Variants in DNAH17 observed in about 807,000 individuals in gnomAD.
The protein encoded by DNAH17 is dynein axonemal heavy chain 17, also known as axonemal beta dynein heavy chain 17.
DNAH17 carries 376 observed loss-of-function variants against 485.6 expected under a neutral mutation model. That is an observed-to-expected ratio of 0.77 (90% CI 0.71 to 0.84). The LOEUF (loss-of-function observed/expected upper bound fraction) is 0.84. Ranked by LOEUF, DNAH17 falls within the 40% of genes least tolerant of loss-of-function variation. The probability of loss-of-function intolerance (pLI) is 0.00; values close to 1 mark genes in which losing one functional copy is unlikely to be tolerated. For synonymous variants in DNAH17, 3,031 were observed against 2,405.9 expected (o/e 1.26, Z -7.60); for missense variants, 6,370 against 5,839.3 (o/e 1.09, Z -2.96).
intron 17 of DNAH17, 32 bp downstream of exon 17, chr17:78,543,825 G>T: frequency 1.2e-6 from 2 of 1,613,868 alleles, no homozygotes; most frequent in Non-Finnish European, 1.7e-6. Context: ...AAGCAAGTGG[G>T]TTCTCAAAAA....
chr17:78,466,896 G>A (rs1402637435), intron 55 of DNAH17, 80 bp from the exon 56 acceptor site: 1 of 1,405,626 alleles, frequency 7.1e-7, no homozygotes, highest in African/African-American at 1.5e-5. Context: ...AGAAAGCTCT[G>A]CCAGAAAGCA....
rs1465789309 is a variant in DNAH17, at chr17:78,454,586, G to A, written c.10290C>T (p.Thr3430=). The change falls in exon 64 of 81, where the codon ACC becomes ACT. Residue 3430 remains threonine, a synonymous_variant. Transcript: ENST00000389840. ...GCCACCGCTCGGTGTTGCCCAGGAT[G>A]GTGGCATTCTCGGTGGACATGCGGT... ...PSDRMSTENA[T]ILGNTERWPL... 2 of 1,613,178 alleles carry A rather than the reference G, an allele frequency of 1.2e-6. No homozygotes were observed. The highest frequency in any genetic ancestry group is 4.5e-5 in the East Asian group (2 of 44,874).
chr17:78,522,658 T>TC (rs1293863236), intron 25 of DNAH17: 1 of 212,224 alleles, frequency 4.7e-6, no homozygotes, highest in Non-Finnish European at 9.8e-6. Context: ...GCCGGCTGCT[T>TC]CCTGAATGCT....
At chr17:78,546,999 CCTAA>C (rs1185546466) in intron 16 of DNAH17, among the ~76,000 whole-genome samples, 1 of 152,158 alleles carries the variant, frequency 6.6e-6, no homozygotes, top group Admixed American at 6.5e-5. Context: ...TTTTCCTCCT[CCTAA>C]CTACCAATTA....
chr17:78,524,756 G>A (rs1305178105), intron 25 of DNAH17, among the ~76,000 whole-genome samples: 10 of 152,134 alleles, frequency 6.6e-5, no homozygotes, highest in Non-Finnish European at 1.2e-4. Flanking sequence ...AAAGACGAAG[G>A]GAGGGGAAAA....
Position 78,489,062 on chromosome 17 carries a change from A to G in DNAH17, c.6818+1637T>C, listed in dbSNP as rs114196511. On this transcript the variant is annotated intron_variant, in intron 44 of 80. Coordinates refer to ENST00000389840, the MANE Select transcript of DNAH17 (RefSeq NM_173628.4). ...TGTTTCAGCAGCTGGAGAATGCTGT[A>G]TAAGCAGGCAAGTGTTGCTGGAGAA... Among the ~76,000 whole-genome samples the G allele has an allele frequency of 4.6e-3, 704 of 152,248 alleles. 7 individuals carry two copies. Among genetic ancestry groups the G allele is most frequent in the African/African-American group, 0.016 (674 of 41,546 alleles).
intron 69 of DNAH17, 138 bp from the exon 70 acceptor site, chr17:78,445,818 TA>T: frequency 1.1e-6 from 1 of 909,256 alleles, no homozygotes; most frequent in South Asian, 1.8e-5. Context: ...TGGTTTGGGG[TA>T]AAGTTTTGTC....
Position 78,527,232 on chromosome 17 carries a change from T to A in DNAH17, c.3508-236A>T, listed in dbSNP as rs74453715. On this transcript the variant is annotated intron_variant, in intron 22 of 80. Coordinates refer to ENST00000389840, the MANE Select transcript of DNAH17 (RefSeq NM_173628.4). Reference sequence around the variant, plus strand: ...ACCCCATCTCTACAAAAAATACAAATTCTTTTTAGCTGGGCGTGATGATAT... The same window carrying A: ...ACCCCATCTCTACAAAAAATACAAAATCTTTTTAGCTGGGCGTGATGATAT... Among the ~76,000 whole-genome samples, 152,107 of 152,114 alleles carry A rather than the reference T, an allele frequency of 1. 76,050 individuals carry two copies. The highest frequency in any genetic ancestry group is 1 in the Middle Eastern group (294 of 294).
intron 21 of DNAH17, among the ~76,000 whole-genome samples, chr17:78,529,998 G>A (rs536538413): frequency 2.0e-5 from 3 of 152,316 alleles, no homozygotes; most frequent in African/African-American, 7.2e-5. Flanking sequence ...GCTCTCTCCT[G>A]GCACTGTGCC....
rs691912 is a variant in DNAH17 at position 78,494,001 on chromosome 17, G to A, written c.6408+35C>T. 469,317 of 1,592,738 alleles carry A rather than the reference G, an allele frequency of 0.29. 70,262 individuals are homozygous for A. The highest frequency in any genetic ancestry group is 0.39 in the Admixed American group (23,109 of 59,002). On this transcript the variant is annotated intron_variant, in intron 41 of 80. Coordinates refer to ENST00000389840, the MANE Select transcript of DNAH17 (RefSeq NM_173628.4). The stretch of plus-strand genomic sequence containing the variant: ...CGCCCCAGCCCTCCCCCACCATGCC[G>A]GATCCCTGCAAGGTCCCTGGAGCGG...
chr17:78,424,048 AT>A lies in DNAH17; in HGVS notation c.13246del (p.Met4416TrpfsTer27). 1 of 1,614,056 alleles carries A rather than the reference AT, an allele frequency of 6.2e-7. No individual in the cohort carries two copies. The highest frequency in any genetic ancestry group is 8.5e-7 in the Non-Finnish European group (1 of 1,179,910). ...ACACTCATAGATGTTCTTGGTCTCC[AT>A]GCGGTCCACAGGAATGGCCTTGATG... ...IFIKAIPVDR[M>X]ETKNIYECPV... On this transcript the variant is annotated frameshift_variant, in exon 81 of 81. Coordinates refer to ENST00000389840, the MANE Select transcript of DNAH17 (RefSeq NM_173628.4). LOFTEE classifies it high-confidence loss of function.
intron 64 of DNAH17, 73 bp from the exon 65 acceptor site, chr17:78,453,538 C>A: frequency 6.3e-7 from 1 of 1,580,790 alleles, no homozygotes; most frequent in Non-Finnish European, 8.6e-7. Context: ...CTCCGACCAG[C>A]AGCCCCTGCC....
At chr17:78,561,545 G>A (rs1411467748) in intron 12 of DNAH17, among the ~76,000 whole-genome samples, 170 bp downstream of exon 12, 1 of 152,176 alleles carries the variant, frequency 6.6e-6, no homozygotes, top group African/African-American at 2.4e-5. Flanking sequence ...CACCAAGAAG[G>A]TGATCAGGGG....
In DNAH17 at chr17:78,560,936, C is replaced by A; in HGVS notation, c.1836-1G>T. The A allele has an allele frequency of 6.5e-7, 1 of 1,547,852 alleles. No homozygotes were observed. The highest frequency in any genetic ancestry group is 1.4e-5 in the African/African-American group (1 of 73,134). ...CTTGGCCTCTGCTCCAGACATGACC[C>A]TGGAATCAGAGCGGGAAGGCGAGGC... On this transcript the variant is annotated splice_acceptor_variant, in intron 12 of 80. Transcript: ENST00000389840. LOFTEE classifies it high-confidence loss of function.
intron 14 of DNAH17, among the ~76,000 whole-genome samples, chr17:78,554,432 G>C (rs1471632040): frequency 4.7e-5 from 2 of 42,536 alleles, no homozygotes; most frequent in Admixed American, 4.6e-4. Flanking sequence ...ATGAGACTCT[G>C]TCTCAAAAAA....
At chr17:78,485,826 G>T in intron 46 of DNAH17, 69 bp from the exon 47 acceptor site, 1 of 1,583,078 alleles carries the variant, frequency 6.3e-7, no homozygotes, top group Non-Finnish European at 8.6e-7. Flanking sequence ...GGGTGTGCAG[G>T]CCATGTTCTA....
rs747020719 is a variant in DNAH17 at position 78,510,448 on chromosome 17, T to C, written c.4172A>G (p.His1391Arg). 1.2e-5 allele frequency: 19 copies of C among 1,613,706 alleles called. No homozygotes were observed. The highest frequency in any genetic ancestry group is 4.0e-5 in the African/African-American group (3 of 74,920). Residue 1391 changes from histidine to arginine, a missense_variant, in exon 27 of 81, where the codon CAC (histidine) becomes CGC (arginine). His to Arg is a conservative substitution (Grantham distance 29, BLOSUM62 0). Transcript: ENST00000389840. ...GTTGCGGACCTCATCCTCGTAACTGTGGAGGTTCAGCTGCAGTAAATCTGC... is the reference window on the plus strand; with the variant it reads ...GTTGCGGACCTCATCCTCGTAACTGCGGAGGTTCAGCTGCAGTAAATCTGC... ...TLADLLQLNL[H>R]SYEDEVRNIV... is the part of the protein sequence containing the mutation.
chr17:78,544,529 G>A (rs1346488951), intron 16 of DNAH17, among the ~76,000 whole-genome samples: 6 of 152,320 alleles, frequency 3.9e-5, no homozygotes, highest in South Asian at 4.1e-4. Context: ...TTGGCCGGGC[G>A]CGGTGGCCCA....
rs555056978 is a variant in DNAH17, at chr17:78,571,314, G to C, written c.797C>G (p.Pro266Arg). Residue 266 changes from proline (P) to arginine (R), a missense_variant, in exon 5 of 81, where the codon CCA becomes CGA. Physicochemically the swap from Pro to Arg is moderately radical, Grantham distance 103. Coordinates refer to ENST00000389840, the MANE Select transcript of DNAH17 (RefSeq NM_173628.4). ...ILEKAKSCYW[P>R]ALQNVYTNVT... ...GTTGGTGTAAACGTTTTGCAGGGCT[G>C]GCCAGTAGCAGCTTTTGGCTTTCTC... 6.2e-7 allele frequency: 1 copy of C among 1,613,920 alleles called. No individual in the cohort carries two copies. Among genetic ancestry groups the C allele is most frequent in the Non-Finnish European group, 8.5e-7 (1 of 1,179,858 alleles).
Sources: allele counts gnomAD v4.1 joint callset (sites outside exome capture counted in the v4.1 genomes callset), GRCh38; gene constraint gnomAD v4.1.1; transcripts MANE v1.5; gene names NCBI Gene and HGNC (gene_info 2026-07-23, HGNC 2026-07-21).